WDR1: variants seen among roughly 807,000 people sequenced by gnomAD.
WDR1 encodes the protein WD repeat-containing protein 1.
Under a neutral mutation model 71.9 loss-of-function variants are expected in WDR1, and 21 were observed. The ratio of observed to expected loss-of-function variants is 0.29; its 90% CI spans 0.21 to 0.42. WDR1 has a LOEUF of 0.42. WDR1 is among the 10% of genes least tolerant of loss of function. The pLI, the probability that WDR1 is intolerant of heterozygous loss-of-function variation, is 1.00. For missense variants in WDR1, 696 were observed against 824.5 expected, an observed-to-expected ratio of 0.84 and a Z score of 1.91; for synonymous variants, 424 against 347.4, an observed-to-expected ratio of 1.22 and a Z score of -2.45.
intron 5 of WDR1, among the ~76,000 whole-genome samples, chr4:10,094,298 G>T (rs992080328): frequency 2.1e-4 from 32 of 152,218 alleles, no homozygotes; most frequent in Admixed American, 2.0e-3. Context: ...TCCAGAGGGG[G>T]CGTGTGGTCA....
At chr4:10,086,587 G>A (rs946603132) in intron 8 of WDR1, among the ~76,000 whole-genome samples, 1 of 152,302 alleles carries the variant, frequency 6.6e-6, no homozygotes, top group South Asian at 2.1e-4. Flanking sequence ...AGCACGGGCC[G>A]AGTGCACAGG....
intron 11 of WDR1, among the ~76,000 whole-genome samples, chr4:10,081,091 G>A (rs898348482): frequency 6.6e-6 from 1 of 152,204 alleles, no homozygotes; most frequent in African/African-American, 2.4e-5. Context: ...CGTGGTCTGA[G>A]GCTTAGAGAC....
At chr4:10,085,014 C>T (rs1765157499) in intron 8 of WDR1, among the ~76,000 whole-genome samples, 1 of 152,364 alleles carries the variant, frequency 6.6e-6, no homozygotes, top group Non-Finnish European at 1.5e-5. Flanking sequence ...GGGCAGGGGT[C>T]TCTCTGATCA....
chr4:10,111,518 C>T (rs903852719), intron 2 of WDR1, among the ~76,000 whole-genome samples: 3 of 152,216 alleles, frequency 2.0e-5, no homozygotes, highest in South Asian at 2.1e-4. Flanking sequence ...ATCCAACGCA[C>T]CACTTCCTTC....
chr4:10,115,985 A>C, intron 2 of WDR1, 128 bp downstream of exon 2: 1 of 1,309,198 alleles, frequency 7.6e-7, no homozygotes, highest in Non-Finnish European at 1.0e-6. Context: ...GGCTCCCGGT[A>C]GAGGGGGCGT....
At chr4:10,102,579 C>G (rs535108530) in intron 3 of WDR1, among the ~76,000 whole-genome samples, 17 of 152,312 alleles carry the variant, frequency 1.1e-4, no homozygotes, top group Non-Finnish European at 2.1e-4. Context: ...CCCCTGCTGT[C>G]CAACTGCCCA....
At chr4:10,082,914 G>C (rs1765070382) in intron 10 of WDR1, 108 bp downstream of exon 10, 1 of 1,393,360 alleles carries the variant, frequency 7.2e-7, no homozygotes, top group Admixed American at 2.3e-5. Flanking sequence ...TGGGAGAGAT[G>C]AAAGGAGCAA....
intron 2 of WDR1, among the ~76,000 whole-genome samples, chr4:10,114,868 G>A (rs1236674312): frequency 6.6e-6 from 1 of 152,314 alleles, no homozygotes; most frequent in Non-Finnish European, 1.5e-5. Context: ...GTAGAGCTCT[G>A]TCTTCCAGCA....
At chr4:10,079,072 C>G (rs912750878) in intron 11 of WDR1, 71 bp from the exon 12 acceptor site, 2 of 1,290,448 alleles carry the variant, frequency 1.5e-6, no homozygotes, top group Non-Finnish European at 2.1e-6. Context: ...GTAGGAGGGG[C>G]GCGTCCCTGT....
rs559279260 is a variant in WDR1, at chr4:10,084,486, G to A, written c.996C>T (p.Gly332=). Residue 332 remains glycine, a synonymous_variant, in exon 9 of 15, where the codon GGC becomes GGT. Coordinates refer to ENST00000499869, the MANE Select transcript of WDR1 (RefSeq NM_017491.5). The part of the protein sequence containing the change: ...SIQCLTVHKN[G]GKSYIYSGSH... ...TCCCAGAGTAAATGTAGGACTTGCCGCCGTTTTTATGCACCGTCAGACACT... is the reference window on the plus strand; with the variant it reads ...TCCCAGAGTAAATGTAGGACTTGCCACCGTTTTTATGCACCGTCAGACACT... The A allele has an allele frequency of 2.5e-5, 40 of 1,613,896 alleles. No individual in the cohort carries two copies. In the East Asian group the frequency reaches 4.9e-4, roughly 20 times the overall value.
chr4:10,097,419 G>C (rs1037461526), intron 5 of WDR1, among the ~76,000 whole-genome samples: 9 of 152,210 alleles, frequency 5.9e-5, no homozygotes, highest in Non-Finnish European at 1.2e-4. Flanking sequence ...CCAGATGCTT[G>C]CCTGGTTACA....
At chr4:10,075,675 C>G in intron 14 of WDR1, 191 bp from the exon 15 acceptor site, 1 of 607,734 alleles carries the variant, frequency 1.6e-6, no homozygotes. Context: ...CTCCTGAACC[C>G]CGGGGCCGGG....
chr4:10,092,800 A>ATCCC (rs1476484286), intron 5 of WDR1: 2 of 332,990 alleles, frequency 6.0e-6, no homozygotes, highest in African/African-American at 4.3e-5. Context: ...CCTCCCGGGG[A>ATCCC]GTTCAGGGGC....
At position 10,095,411 on chromosome 4, in the gene WDR1, A is replaced by G. The variant is rs537093892; in HGVS notation, c.558+2300T>C. ...TTCCGACCACATCAGAAGAGCCCACATACGGGAGGAAGCCCAGCGATGCTC... is the reference window on the plus strand; with the variant it reads ...TTCCGACCACATCAGAAGAGCCCACGTACGGGAGGAAGCCCAGCGATGCTC... On this transcript the variant is annotated intron_variant, in intron 5 of 14. Transcript: ENST00000499869. 7.2e-5 allele frequency among the ~76,000 whole-genome samples: 11 copies of G among 152,340 alleles called. 1 individual carries two copies. The highest frequency in any genetic ancestry group is 2.2e-4 in the African/African-American group (9 of 41,584).
At chr4:10,077,712 C>T (rs563740654) in intron 13 of WDR1, 41 bp downstream of exon 13, 54 of 1,513,296 alleles carry the variant, frequency 3.6e-5, no homozygotes, top group Middle Eastern at 3.7e-4. Context: ...CCACCTGCAC[C>T]GCCCAGCACG....
chr4:10,095,222 T>C (rs988802334), intron 5 of WDR1, among the ~76,000 whole-genome samples: 7 of 152,266 alleles, frequency 4.6e-5, no homozygotes, highest in Admixed American at 2.0e-4. Flanking sequence ...TCAGCCGTCA[T>C]GTGCTGCAGA....
Position 10,083,003 on chromosome 4 carries a change from C to A in WDR1, c.1196+19G>T. The stretch of plus-strand genomic sequence containing the variant: ...AGCTGAGGCTCATCCGGAACCCCCG[C>A]AGACCCGAGTGCTCTCACCTGTAGT... On this transcript the variant is annotated intron_variant, in intron 10 of 14. Transcript: ENST00000499869. 1 of 1,597,742 alleles carries A rather than the reference C, an allele frequency of 6.3e-7. No homozygotes were observed. The highest frequency in any genetic ancestry group is 8.6e-7 in the Non-Finnish European group (1 of 1,168,736).
chr4:10,087,579 G>A, intron 8 of WDR1, 128 bp downstream of exon 8: 4 of 887,436 alleles, frequency 4.5e-6, no homozygotes, highest in South Asian at 1.8e-5. Flanking sequence ...AACCCCAAGG[G>A]CCAAGGAGGC....
intron 3 of WDR1, among the ~76,000 whole-genome samples, chr4:10,102,232 A>G (rs1017319263): frequency 1.3e-5 from 2 of 152,242 alleles, no homozygotes; most frequent in African/African-American, 4.8e-5. Flanking sequence ...CCTAAGAGGC[A>G]GGCACTAGCA....
Sources: allele counts gnomAD v4.1 joint callset (sites outside exome capture counted in the v4.1 genomes callset), GRCh38; gene constraint gnomAD v4.1.1; transcripts MANE v1.5; gene names NCBI Gene and HGNC (gene_info 2026-07-23, HGNC 2026-07-21).